The following TTC7B variants were observed in gnomAD, a reference collection of about 807,000 sequenced individuals.
TTC7B encodes the protein tetratricopeptide repeat protein 7B.
TTC7B carries 28 observed loss-of-function variants against 106.8 expected under a neutral mutation model. The ratio of observed to expected loss-of-function variants is 0.26; its 90% CI spans 0.19 to 0.36. TTC7B has a LOEUF of 0.36. Ranked by LOEUF, TTC7B falls within the 10% of genes least tolerant of loss-of-function variation. TTC7B has a pLI of 1.00. For synonymous variants in TTC7B, 405 were observed against 430.6 expected, an observed-to-expected ratio of 0.94 and a Z score of 0.74; for missense variants, 862 against 1,076.4, an observed-to-expected ratio of 0.80 and a Z score of 2.79.
chr14:90,635,061 CT>C (rs1884873443), intron 15 of TTC7B, among the ~76,000 whole-genome samples: 2 of 152,162 alleles, frequency 1.3e-5, no homozygotes, highest in Admixed American at 1.3e-4. Context: ...ACTTGTGCTC[CT>C]TTTGTCATTG....
In TTC7B at chr14:90,780,636, A is replaced by G. The variant is rs972921337; in HGVS notation, c.445+102T>C. On this transcript the variant is annotated intron_variant, in intron 3 of 19. Transcript: ENST00000328459. ...CCCAGCAGCCTTGCTGGGAACTGCC[A>G]GGTTCATCACCAGCCAAGGGCCAAG... 4 of 1,368,764 alleles carry G rather than the reference A, an allele frequency of 2.9e-6. No individual in the cohort carries two copies. In the Admixed American group the frequency reaches 6.6e-5, roughly 23 times the overall value. 84.8% of individuals were successfully genotyped at this position (1,368,764 alleles called of 1,614,324 possible).
At chr14:90,603,196 G>T (rs1892502967) in intron 17 of TTC7B, 3 of 1,115,002 alleles carry the variant, frequency 2.7e-6, no homozygotes, top group South Asian at 2.6e-5. Context: ...TTCCGTGGTG[G>T]GGGGAGTGTG....
At position 90,526,583 on chromosome 14, in the gene TTC7B, C is replaced by G. The variant is rs1416918275; in HGVS notation, c.*14785G>C. 6.6e-6 allele frequency: 1 copy of G among 152,214 alleles called. No individual in the cohort carries two copies. Among genetic ancestry groups the G allele is most frequent in the Non-Finnish European group, 1.5e-5 (1 of 68,044 alleles). The allele number at this position is 152,214 out of a possible 1,614,324, so 9.4% of individuals were successfully genotyped here. On this transcript the variant is annotated 3_prime_UTR_variant, in exon 20 of 20. Transcript: ENST00000328459. The stretch of plus-strand genomic sequence containing the variant: ...GGCTGTGTCCCCACCCAAATCTCGT[C>G]TTGAATTGTAGTTCCCATAATCCCC...
intron 3 of TTC7B, among the ~76,000 whole-genome samples, chr14:90,779,959 G>A (rs183438447): frequency 3.3e-5 from 5 of 152,296 alleles, no homozygotes; most frequent in Admixed American, 2.6e-4. Flanking sequence ...GAACCCAGAG[G>A]TGGCATTAAT....
chr14:90,622,733 C>T (rs150129890), intron 15 of TTC7B, among the ~76,000 whole-genome samples: 1 of 152,006 alleles, frequency 6.6e-6, no homozygotes, highest in African/African-American at 2.4e-5. Flanking sequence ...ACCCTGCCCC[C>T]ACTTCCCCCC....
intron 15 of TTC7B, among the ~76,000 whole-genome samples, chr14:90,630,815 A>T (rs893105262): frequency 2.0e-5 from 3 of 151,596 alleles, no homozygotes; most frequent in African/African-American, 7.3e-5. Flanking sequence ...CATCCATCAG[A>T]ATGTCCTTCT....
At chr14:90,699,016 G>T (rs751053474) in intron 5 of TTC7B, 2 of 346,738 alleles carry the variant, frequency 5.8e-6, no homozygotes, top group Non-Finnish European at 5.6e-6. Context: ...CCTCCTTCCA[G>T]GGCTTGTCTG....
At chr14:90,552,600 C>G (rs1890134212) in intron 19 of TTC7B, among the ~76,000 whole-genome samples, 1 of 152,216 alleles carries the variant, frequency 6.6e-6, no homozygotes. Context: ...ACAAAGGCCG[C>G]TGACGTGCTG....
intron 9 of TTC7B, among the ~76,000 whole-genome samples, chr14:90,672,957 C>A (rs188376145): frequency 6.6e-6 from 1 of 152,230 alleles, no homozygotes; most frequent in Non-Finnish European, 1.5e-5. Flanking sequence ...AATTATTACC[C>A]CTATTTAACA....
chr14:90,605,205 T>C (rs190028581), intron 17 of TTC7B, among the ~76,000 whole-genome samples: 2 of 152,358 alleles, frequency 1.3e-5, no homozygotes, highest in Admixed American at 6.5e-5. Flanking sequence ...TTGATGATTA[T>C]ACGCTGGTTG....
chr14:90,709,542 G>A (rs1305532107), intron 5 of TTC7B, among the ~76,000 whole-genome samples: 44 of 124,146 alleles, frequency 3.5e-4, no homozygotes, highest in African/African-American at 1.2e-3. Context: ...GTTGTGGGGT[G>A]GGGGGAGGGG....
chr14:90,608,524 G>A lies in TTC7B; in HGVS notation c.1966+2218C>T, dbSNP rs1892744548. 2.0e-5 allele frequency among the ~76,000 whole-genome samples: 3 copies of A among 152,286 alleles called. No individual in the cohort carries two copies. Among genetic ancestry groups the A allele is most frequent in the South Asian group, 4.1e-4 (2 of 4,824 alleles). On this transcript the variant is annotated intron_variant, in intron 17 of 19. Coordinates refer to ENST00000328459, the MANE Select transcript of TTC7B (RefSeq NM_001010854.2). The surrounding 1 kb of genome is among the most constrained non-coding windows in gnomAD (Gnocchi z 5.1). ...GAAGGGCATAGGAGCCCGCGGTCCT[G>A]ACTCCAAACACCTAGGCTCTCTGGA... is the stretch of plus-strand genomic sequence containing the variant.
chr14:90,779,633 T>G (rs1035512826), intron 3 of TTC7B, among the ~76,000 whole-genome samples: 8 of 152,168 alleles, frequency 5.3e-5, no homozygotes, highest in African/African-American at 1.9e-4. Context: ...TATGCAGCAT[T>G]TAGAATGTGC....
Position 90,542,019 on chromosome 14 carries a change from A to G in TTC7B, c.2311-430T>C, listed in dbSNP as rs1042578691. Among the ~76,000 whole-genome samples the G allele has an allele frequency of 7.9e-5, 12 of 152,272 alleles. No homozygotes were observed. In the East Asian group the frequency reaches 1.4e-3, roughly 17 times the overall value. On this transcript the variant is annotated intron_variant, in intron 19 of 19. Transcript: ENST00000328459. ...CAGTGGCGCGATCTTGGCTCACTGC[A>G]AGCTCCGCCTCCCGGGTTCATGCCA...
intron 16 of TTC7B, among the ~76,000 whole-genome samples, chr14:90,616,966 A>C (rs920233638): frequency 1.3e-5 from 2 of 152,206 alleles, no homozygotes; most frequent in African/African-American, 4.8e-5. Context: ...GAATCATTAC[A>C]TCCCTTCTCA....
intron 15 of TTC7B, among the ~76,000 whole-genome samples, chr14:90,627,296 C>T (rs1884487749): frequency 6.6e-6 from 1 of 152,136 alleles, no homozygotes; most frequent in East Asian, 1.9e-4. Context: ...CATGTGAACA[C>T]ATTTAATGTC....
intron 8 of TTC7B, among the ~76,000 whole-genome samples, chr14:90,677,455 T>A (rs1886884856): frequency 6.6e-6 from 1 of 152,222 alleles, no homozygotes; most frequent in Non-Finnish European, 1.5e-5. Context: ...AAAATTTAAT[T>A]TCTCTACAGA....
At chr14:90,634,165 C>G (rs919563667) in intron 15 of TTC7B, among the ~76,000 whole-genome samples, 3 of 152,190 alleles carry the variant, frequency 2.0e-5, no homozygotes, top group Non-Finnish European at 1.5e-5. Flanking sequence ...GCATGAGCCA[C>G]CGCGCCTGGC....
At chr14:90,725,391 AGCAGC>A (rs200343205) in intron 5 of TTC7B, among the ~76,000 whole-genome samples, 2,271 of 152,274 alleles carry the variant, frequency 0.015, 161 homozygotes, top group Admixed American at 0.12. Flanking sequence ...CACCCTCCTC[AGCAGC>A]CCATAGGATA....
Sources: gnomAD v4.1 joint callset for allele counts (sites outside exome capture counted in the v4.1 genomes callset) on GRCh38, gnomAD v4.1.1 for gene constraint, Gnocchi (gnomAD v3.1) non-coding constraint, MANE v1.5 for transcripts, NCBI Gene and HGNC (gene_info 2026-07-23, HGNC 2026-07-21) for gene names.